Variants in APLF observed in about 807,000 individuals in gnomAD.
APLF encodes the protein aprataxin and PNK-like factor.
A neutral mutation model predicts 55.6 loss-of-function variants in APLF; 61 were observed. That is an observed-to-expected ratio of 1.10 (90% confidence interval 0.89 to 1.36). The LOEUF (loss-of-function observed/expected upper bound fraction) is 1.36. Among genes scored for constraint, APLF ranks in the 40% most tolerant of loss-of-function variants. The pLI, the probability that APLF is intolerant of heterozygous loss-of-function variation, is 0.00. For missense variants in APLF, 611 were observed against 602.5 expected (o/e 1.01, Z -0.15); for synonymous variants, 207 against 214.8 (o/e 0.96, Z 0.32).
chr2:68,525,965 G>C, intron 5 of APLF, 96 bp from the exon 6 acceptor site: 1 of 1,223,506 alleles, frequency 8.2e-7, no homozygotes, highest in Non-Finnish European at 1.1e-6. Context: ...GGCCAGGCTG[G>C]TCTCGAATCC....
intron 3 of APLF, among the ~76,000 whole-genome samples, chr2:68,507,610 G>A (rs1676904317): frequency 6.6e-6 from 1 of 151,882 alleles, no homozygotes; most frequent in South Asian, 2.1e-4. Flanking sequence ...TTATATTTTA[G>A]TAAATTAAAT....
chr2:68,518,993 G>GATGATATATTATTAATATATAATAATAT (rs1669791405), intron 5 of APLF, among the ~76,000 whole-genome samples: 1 of 107,498 alleles, frequency 9.3e-6, no homozygotes, highest in Admixed American at 1.1e-4. Context: ...TACAATATCT[G>GATGATATATTATTAATATATAATAATAT]ATAATATATT....
At chr2:68,541,396 A>G (rs1479633254) in intron 7 of APLF, among the ~76,000 whole-genome samples, 1 of 152,158 alleles carries the variant, frequency 6.6e-6, no homozygotes, top group Non-Finnish European at 1.5e-5. Context: ...CACATATGTC[A>G]AAGAACTTGT....
intron 2 of APLF, among the ~76,000 whole-genome samples, chr2:68,494,294 A>AG (rs1172991392): frequency 3.4e-4 from 52 of 151,294 alleles, no homozygotes; most frequent in Non-Finnish European, 6.9e-4. Flanking sequence ...AAAAAAAAAA[A>AG]AAAAAAAAGA....
At chr2:68,501,201 A>G (rs1381637128) in intron 2 of APLF, among the ~76,000 whole-genome samples, 1 of 152,154 alleles carries the variant, frequency 6.6e-6, no homozygotes, top group Admixed American at 6.5e-5. Context: ...TAGAAATATG[A>G]TGTATGGCCA....
At chr2:68,563,270 C>A (rs1671214481) in intron 8 of APLF, 5 of 984,944 alleles carry the variant, frequency 5.1e-6, no homozygotes, top group Non-Finnish European at 6.0e-6. Context: ...ATGTACCTAA[C>A]ATTTTTTCCC....
chr2:68,518,434 T>G (rs1382177103), intron 5 of APLF, among the ~76,000 whole-genome samples: 1 of 112,840 alleles, frequency 8.9e-6, no homozygotes, highest in African/African-American at 3.7e-5. Context: ...ATTTATTATA[T>G]AATATATAAT....
chr2:68,566,505 A>G (rs1234394497), intron 8 of APLF, among the ~76,000 whole-genome samples: 1 of 152,144 alleles, frequency 6.6e-6, no homozygotes, highest in East Asian at 1.9e-4. Flanking sequence ...GAATGAACAA[A>G]TGAACATTTG....
At chr2:68,550,611 T>G (rs1670833374) in intron 8 of APLF, among the ~76,000 whole-genome samples, 1 of 152,128 alleles carries the variant, frequency 6.6e-6, no homozygotes, top group African/African-American at 2.4e-5. Context: ...TACATATTCT[T>G]TGTTTTTTAT....
At chr2:68,474,435 C>T (rs1675711559) in intron 1 of APLF, among the ~76,000 whole-genome samples, 1 of 152,164 alleles carries the variant, frequency 6.6e-6, no homozygotes, top group Admixed American at 6.5e-5. Context: ...TGTCACTTAA[C>T]TCATTAGCAT....
At chr2:68,505,180 A>T (rs1394850435) in intron 3 of APLF, among the ~76,000 whole-genome samples, 1 of 152,050 alleles carries the variant, frequency 6.6e-6, no homozygotes. Context: ...TTCTCTTATC[A>T]TACATGTATG....
chr2:68,507,244 T>G (rs1676895801), intron 3 of APLF, among the ~76,000 whole-genome samples: 1 of 151,996 alleles, frequency 6.6e-6, no homozygotes. Context: ...AAAGCTTATA[T>G]GCTTTGTAGA....
chr2:68,519,156 C>G (rs1162160589), intron 5 of APLF, among the ~76,000 whole-genome samples: 1 of 132,964 alleles, frequency 7.5e-6, no homozygotes, highest in Non-Finnish European at 1.6e-5. Context: ...TATATAAAGA[C>G]TTGACCAAAA....
chr2:68,489,172 T>C (rs1676278715), intron 1 of APLF, among the ~76,000 whole-genome samples: 1 of 152,228 alleles, frequency 6.6e-6, no homozygotes, highest in Non-Finnish European at 1.5e-5. Context: ...GCCTTAAGTG[T>C]GGAACAGCTA....
intron 2 of APLF, among the ~76,000 whole-genome samples, chr2:68,493,454 GGGTTTTTAAA>G (rs1462460546): frequency 6.6e-6 from 1 of 152,064 alleles, no homozygotes; most frequent in African/African-American, 2.4e-5. Context: ...GAGTAGGGAA[GGGTTTTTAAA>G]CAGGATATAA....
intron 9 of APLF, among the ~76,000 whole-genome samples, chr2:68,574,027 GAA>G (rs750341524): frequency 6.7e-6 from 1 of 149,212 alleles, no homozygotes; most frequent in African/African-American, 2.5e-5. Context: ...CAAAAATAGA[GAA>G]AAGACTTATT....
intron 6 of APLF, 49 bp downstream of exon 6, chr2:68,526,291 A>G: frequency 6.4e-7 from 1 of 1,558,544 alleles, no homozygotes; most frequent in East Asian, 2.3e-5. Context: ...TAGGTGTTTT[A>G]GATAGAAATT....
intron 5 of APLF, among the ~76,000 whole-genome samples, chr2:68,519,021 T>TATAATATATTATTAATATATA (rs1669797985): frequency 8.0e-6 from 1 of 124,452 alleles, no homozygotes; most frequent in Non-Finnish European, 1.6e-5. Flanking sequence ...TATAATAATA[T>TATAATATATTATTAATATATA]ATAATATATG....
rs1323670736 is a variant in APLF at position 68,529,997 on chromosome 2, G to A, written c.804+3755G>A. On this transcript the variant is annotated intron_variant, in intron 6 of 9. Transcript: ENST00000303795. This position sits in a 1 kb window ranked among gnomAD's most constrained non-coding sequence, Gnocchi z 4.4. Reference sequence around the variant, plus strand: ...CTCCATGGCTGCTGTGGCCTCAAGGGCCACCAGCCTCGCTCCGCAGGTTTC... The same window carrying A: ...CTCCATGGCTGCTGTGGCCTCAAGGACCACCAGCCTCGCTCCGCAGGTTTC... Among the ~76,000 whole-genome samples, 24 of 152,228 alleles carry A rather than the reference G, an allele frequency of 1.6e-4. No individual in the cohort carries two copies. Among genetic ancestry groups the A allele is most frequent in the Admixed American group, 9.8e-4 (15 of 15,292 alleles).
Sources: gnomAD v4.1 joint callset for allele counts (sites outside exome capture counted in the v4.1 genomes callset) on GRCh38, gnomAD v4.1.1 for gene constraint, Gnocchi (gnomAD v3.1) non-coding constraint, MANE v1.5 for transcripts, NCBI Gene and HGNC (gene_info 2026-07-23, HGNC 2026-07-21) for gene names.